Variants in FRMD4B observed in about 807,000 individuals in gnomAD.
FRMD4B encodes FERM domain containing 4B, also known as FERM domain-containing protein 4B.
A neutral mutation model predicts 141.5 loss-of-function variants in FRMD4B; 74 were observed. The ratio of observed to expected loss-of-function variants is 0.52; its 90% CI spans 0.43 to 0.63. The LOEUF (loss-of-function observed/expected upper bound fraction) is 0.63. FRMD4B is among the 30% of genes least tolerant of loss of function. FRMD4B has a pLI of 0.00. For missense variants in FRMD4B, 1,366 were observed against 1,253.4 expected (o/e 1.09, Z -1.36); for synonymous variants, 506 against 467.9 (o/e 1.08, Z -1.05).
chr3:69,479,628 C>G (rs1428451780), intron 1 of FRMD4B, among the ~76,000 whole-genome samples: 2 of 152,158 alleles, frequency 1.3e-5, no homozygotes, highest in Non-Finnish European at 2.9e-5. Context: ...TTCTCTCTGG[C>G]TGCCCTTAAC....
rs778296874 is a variant in FRMD4B, at chr3:69,195,348, T to C, written c.1251A>G (p.Glu417=). The C allele has an allele frequency of 5.0e-6, 8 of 1,611,806 alleles. No homozygotes were observed. The highest frequency in any genetic ancestry group is 2.2e-5 in the East Asian group (1 of 44,876). Residue 417 remains glutamate, a synonymous_variant, in exon 15 of 23, where the codon GAA becomes GAG. Transcript: ENST00000398540. ...SLISSGSQDS[E]VSEEQKREKI... is the part of the protein sequence containing the mutation. ...TTTCTCTCTTTTGCTCTTCACTAACTTCTGAGTCTTGAGAACCTAGGGGAT... is the reference window on the plus strand; with the variant it reads ...TTTCTCTCTTTTGCTCTTCACTAACCTCTGAGTCTTGAGAACCTAGGGGAT...
chr3:69,185,621 C>G (rs182275114), intron 19 of FRMD4B, among the ~76,000 whole-genome samples: 1 of 152,118 alleles, frequency 6.6e-6, no homozygotes, highest in African/African-American at 2.4e-5. Flanking sequence ...TATTCATGGT[C>G]CCTGGCCCTC....
intron 5 of FRMD4B, among the ~76,000 whole-genome samples, chr3:69,262,120 C>A (rs993497340): frequency 1.3e-5 from 2 of 151,962 alleles, no homozygotes; most frequent in Admixed American, 6.6e-5. Flanking sequence ...GCTCCCGCCA[C>A]CATGCCCAGC....
intron 2 of FRMD4B, among the ~76,000 whole-genome samples, chr3:69,392,110 A>G (rs1704393977): frequency 6.6e-6 from 1 of 152,244 alleles, no homozygotes; most frequent in South Asian, 2.1e-4. Context: ...CCCAAAACAC[A>G]GTCTTGTTCA....
At chr3:69,239,150 G>A (rs891170793) in intron 7 of FRMD4B, among the ~76,000 whole-genome samples, 5 of 152,150 alleles carry the variant, frequency 3.3e-5, no homozygotes, top group African/African-American at 1.2e-4. Flanking sequence ...GAGTCTATTG[G>A]CAACCAGTGG....
intron 4 of FRMD4B, among the ~76,000 whole-genome samples, chr3:69,296,484 G>A (rs1701038885): frequency 6.6e-6 from 1 of 152,210 alleles, no homozygotes; most frequent in Non-Finnish European, 1.5e-5. Flanking sequence ...CTGCCTGGAA[G>A]TTCAGAATAG....
chr3:69,506,170 G>A (rs1211226743), intron 1 of FRMD4B, among the ~76,000 whole-genome samples: 1 of 152,108 alleles, frequency 6.6e-6, no homozygotes, highest in African/African-American at 2.4e-5. Context: ...GCAACCCCAA[G>A]GCCCTTAATG....
chr3:69,420,974 C>A (rs1704966422), intron 2 of FRMD4B, among the ~76,000 whole-genome samples: 1 of 152,198 alleles, frequency 6.6e-6, no homozygotes, highest in Non-Finnish European at 1.5e-5. Context: ...CGGAGAGGGC[C>A]AGGGAAAGTT....
chr3:69,303,448 A>G (rs1701284466), intron 3 of FRMD4B, among the ~76,000 whole-genome samples: 1 of 152,150 alleles, frequency 6.6e-6, no homozygotes, highest in Admixed American at 6.5e-5. Context: ...TTAAAAATTA[A>G]ACAAAGAACA....
At chr3:69,497,550 G>C (rs963125805) in intron 1 of FRMD4B, among the ~76,000 whole-genome samples, 1 of 152,078 alleles carries the variant, frequency 6.6e-6, no homozygotes. Flanking sequence ...GAACTTACGA[G>C]TCTCAATATC....
chr3:69,297,013 C>T lies in FRMD4B; in HGVS notation c.416+5330G>A, dbSNP rs1415854568. Among the ~76,000 whole-genome samples, 3 of 152,232 alleles carry T rather than the reference C, an allele frequency of 2.0e-5. No homozygotes were observed. In the South Asian group the frequency reaches 6.2e-4, roughly 32 times the overall value. On this transcript the variant is annotated intron_variant, in intron 4 of 22. Coordinates refer to ENST00000398540, the MANE Select transcript of FRMD4B (RefSeq NM_015123.3). ...TTTTACAAAGAGTGTTATCATATTG[C>T]ATGGACTTTTTGTGGTCTACTTCTT...
At chr3:69,508,979 A>G (rs932559727) in intron 1 of FRMD4B, among the ~76,000 whole-genome samples, 1 of 152,224 alleles carries the variant, frequency 6.6e-6, no homozygotes, top group Non-Finnish European at 1.5e-5. Context: ...CTTATTCTCT[A>G]GACTAGGTCT....
chr3:69,455,227 G>T (rs1300504712), intron 1 of FRMD4B, among the ~76,000 whole-genome samples: 2 of 152,240 alleles, frequency 1.3e-5, no homozygotes, highest in South Asian at 4.1e-4. Context: ...TGTGGGTGGG[G>T]TCAGCTAAGG....
intron 5 of FRMD4B, among the ~76,000 whole-genome samples, chr3:69,265,071 C>T (rs979846810): frequency 4.5e-5 from 5 of 110,164 alleles, no homozygotes; most frequent in East Asian, 3.1e-4. Flanking sequence ...CTGGCTAACA[C>T]GGTGAAACCC....
intron 5 of FRMD4B, among the ~76,000 whole-genome samples, chr3:69,276,935 A>G (rs1448342515): frequency 6.6e-6 from 1 of 152,252 alleles, no homozygotes; most frequent in African/African-American, 2.4e-5. Context: ...ACTGCACTCC[A>G]GCCTGGGCGA....
At chr3:69,368,302 C>G (rs910495651) in intron 1 of FRMD4B, among the ~76,000 whole-genome samples, 2 of 152,178 alleles carry the variant, frequency 1.3e-5, no homozygotes, top group East Asian at 1.9e-4. Flanking sequence ...CACCTGACTC[C>G]AATATCCTTA....
chr3:69,540,399 G>C (rs887073846), intron 1 of FRMD4B, among the ~76,000 whole-genome samples: 1 of 151,378 alleles, frequency 6.6e-6, no homozygotes, highest in African/African-American at 2.4e-5. Flanking sequence ...CGGATCACAA[G>C]GCCAGGAGAT....
At chr3:69,306,936 G>T (rs1316623397) in intron 3 of FRMD4B, among the ~76,000 whole-genome samples, 1 of 152,092 alleles carries the variant, frequency 6.6e-6, no homozygotes, top group Non-Finnish European at 1.5e-5. Flanking sequence ...CAAAGAAAAA[G>T]AACTAGGCTT....
At chr3:69,349,812 C>G (rs994609902) in intron 1 of FRMD4B, among the ~76,000 whole-genome samples, 7 of 152,132 alleles carry the variant, frequency 4.6e-5, no homozygotes, top group African/African-American at 1.4e-4. Context: ...ACACCTTACA[C>G]AAAAATTAAT....
Sources: allele counts gnomAD v4.1 joint callset (sites outside exome capture counted in the v4.1 genomes callset), GRCh38; gene constraint gnomAD v4.1.1; transcripts MANE v1.5; gene names NCBI Gene and HGNC (gene_info 2026-07-23, HGNC 2026-07-21).